OXSM: variants seen among roughly 807,000 people sequenced by gnomAD.
OXSM encodes the protein 3-oxoacyl-ACP synthase, mitochondrial.
A neutral mutation model predicts 29.2 loss-of-function variants in OXSM; 19 were observed. The observed-to-expected ratio is 0.65, with a 90% CI of 0.45 to 0.96. The LOEUF is 0.96. Ranked by LOEUF, OXSM falls within the 40% of genes least tolerant of loss-of-function variation. The pLI, the probability that OXSM is intolerant of heterozygous loss-of-function variation, is 0.00. For missense variants in OXSM, 554 were observed against 551.3 expected (o/e 1.00, Z -0.05); for synonymous variants, 178 against 197.1 (o/e 0.90, Z 0.81).
rs374473365 is a variant in OXSM, at chr3:25,794,401, A to G, written c.1287A>G (p.Ala429=). 6.2e-7 allele frequency: 1 copy of G among 1,614,042 alleles called. No individual in the cohort carries two copies. The highest frequency in any genetic ancestry group is 8.5e-7 in the Non-Finnish European group (1 of 1,179,978). ...ATCTCAACTATGTTCCACTAAAGGCACAGGAATGGAAAACTGAGAAAAGAT... is the reference window on the plus strand; with the variant it reads ...ATCTCAACTATGTTCCACTAAAGGCGCAGGAATGGAAAACTGAGAAAAGAT... ...EFDLNYVPLK[A]QEWKTEKRFI... is the part of the protein sequence containing the mutation. Residue 429 remains alanine, a synonymous_variant, in exon 3 of 3, where the codon GCA becomes GCG. Transcript: ENST00000280701.
chr3:25,793,752 C>T (rs1027325373), intron 2 of OXSM, among the ~76,000 whole-genome samples: 1 of 152,192 alleles, frequency 6.6e-6, no homozygotes, highest in African/African-American at 2.4e-5. Flanking sequence ...AAAAATTATT[C>T]TAGTCTTGAG....
intron 1 of OXSM, 75 bp from the exon 2 acceptor site, chr3:25,790,915 C>A: frequency 9.4e-7 from 1 of 1,065,540 alleles, no homozygotes; most frequent in Non-Finnish European, 1.4e-6. Context: ...CCCAAAGGAA[C>A]ACCTTGGATG....
intron 2 of OXSM, among the ~76,000 whole-genome samples, chr3:25,792,501 G>GTTTT (rs1304860825): frequency 1.3e-5 from 2 of 151,966 alleles, no homozygotes; most frequent in Non-Finnish European, 2.9e-5. Context: ...GTTTTGTTTT[G>GTTTT]TTTTTTTAGA....
At position 25,794,145 on chromosome 3, in the gene OXSM, A is replaced by G. The variant is rs748310666; in HGVS notation, c.1031A>G (p.Tyr344Cys). The change falls in exon 3 of 3, where the codon TAT becomes TGT. Residue 344 changes from tyrosine (Y) to cysteine (C), a missense_variant. Transcript: ENST00000280701. Reference protein sequence around the residue: ...DAGVQPEEISYINAHATSTPL... With the variant: ...DAGVQPEEISCINAHATSTPL... ...GGTGTGCAGCCTGAGGAGATATCCT[A>G]TATCAATGCACATGCTACTTCCACA... 1.2e-6 allele frequency: 2 copies of G among 1,614,168 alleles called. No individual in the cohort carries two copies. Among genetic ancestry groups the G allele is most frequent in the Admixed American group, 3.3e-5 (2 of 60,038 alleles).
chr3:25,792,700 G>T (rs978500272), intron 2 of OXSM, among the ~76,000 whole-genome samples: 3 of 152,026 alleles, frequency 2.0e-5, no homozygotes, highest in Non-Finnish European at 4.4e-5. Flanking sequence ...CAGGCTGAGA[G>T]ATTCTGTAGT....
chr3:25,791,538 A>G lies in OXSM; in HGVS notation c.518A>G (p.Asn173Ser), dbSNP rs1434516446. Reference protein sequence around the residue: ...TALNFQTKGYNKVSPFFVPKI... With the variant: ...TALNFQTKGYSKVSPFFVPKI... ...TTGAATTTTCAGACAAAAGGTTACA[A>G]TAAAGTTAGCCCATTTTTTGTCCCT... The change falls in exon 2 of 3, where the codon AAT (asparagine) becomes AGT (serine). Residue 173 changes from asparagine (N) to serine (S), a missense_variant. Physicochemically the swap from Asn to Ser is conservative, Grantham distance 46. Coordinates refer to ENST00000280701, the MANE Select transcript of OXSM (RefSeq NM_017897.3). 1.9e-6 allele frequency: 3 copies of G among 1,614,092 alleles called. No homozygotes were observed. The highest frequency in any genetic ancestry group is 3.3e-5 in the Admixed American group (2 of 60,004).
chr3:25,792,669 A>G (rs2125341468), intron 2 of OXSM, among the ~76,000 whole-genome samples: 1 of 151,930 alleles, frequency 6.6e-6, no homozygotes, highest in East Asian at 1.9e-4. Flanking sequence ...GTTTGTAGAG[A>G]TGGGGTTTCA....
At position 25,791,161 on chromosome 3, in the gene OXSM, A is replaced by G. The variant is rs987110150; in HGVS notation, c.141A>G (p.Thr47=). The G allele has an allele frequency of 8.1e-6, 13 of 1,614,210 alleles. No homozygotes were observed. The East Asian group carries it at 2.7e-4, about 33-fold the overall frequency. Residue 47 remains threonine (T), a synonymous_variant, in exon 2 of 3, where the codon ACA becomes ACG. Transcript: ENST00000280701. The part of the protein sequence containing the change: ...ISRLHRRVVI[T]GIGLVTPLGV... ...GATTGCATAGGCGAGTTGTCATTAC[A>G]GGCATTGGCTTAGTGACTCCTCTTG... is the stretch of plus-strand genomic sequence containing the variant.
chr3:25,792,390 T>C (rs779971206), intron 2 of OXSM, among the ~76,000 whole-genome samples: 7 of 152,260 alleles, frequency 4.6e-5, no homozygotes, highest in Non-Finnish European at 1.0e-4. Flanking sequence ...AACAGGATTC[T>C]GTTCTTTTCA....
chr3:25,790,736 C>A, intron 1 of OXSM: 1 of 320,136 alleles, frequency 3.1e-6, no homozygotes, highest in Non-Finnish European at 5.7e-6. Flanking sequence ...CATTGAATTA[C>A]TGTTTTGGTG....
At position 25,791,793 on chromosome 3, in the gene OXSM, C is replaced by G. The variant is rs759607182; in HGVS notation, c.773C>G (p.Ser258Ter). The G allele has an allele frequency of 8.1e-6, 13 of 1,614,022 alleles. No individual in the cohort carries two copies. In the East Asian group the frequency reaches 2.2e-4, roughly 28 times the overall value. Residue 258 changes from serine to a stop codon, truncating the protein, a stop_gained, in exon 2 of 3, where the codon TCA (serine) becomes TGA (stop). Transcript: ENST00000280701. LOFTEE classifies it high-confidence loss of function. ...FSRARALSTN[S>*]DPKLACRPFH... is the part of the protein sequence containing the mutation. ...AGAGCCCGGGCTCTGAGCACAAACT[C>G]AGATCCCAAGTTGGCATGTCGACCA...
chr3:25,790,175 CCCTCCTTT>C (rs1708699529), intron 1 of OXSM, 28 bp downstream of exon 1: 1 of 485,464 alleles, frequency 2.1e-6, no homozygotes, highest in East Asian at 3.4e-5. Context: ...CCTCCTTCGC[CCCTCCTTT>C]CCTCCTTTAC....
At position 25,790,108 on chromosome 3, in the gene OXSM, C is replaced by A. The variant is rs142618134; in HGVS notation, c.-71C>A. ...CGCGTGCGCTCGAGAGCGTCATCGC[C>A]CCCGACTGTGGAGAAGTGTCCGGGG... On this transcript the variant is annotated 5_prime_UTR_variant, in exon 1 of 3. Coordinates refer to ENST00000280701, the MANE Select transcript of OXSM (RefSeq NM_017897.3). 480 of 585,704 alleles carry A rather than the reference C, an allele frequency of 8.2e-4. 5 individuals are homozygous for A. In the East Asian group the frequency reaches 0.013, roughly 16 times the overall value. The allele number at this position is 585,704 out of a possible 1,614,324, so 36.3% of individuals were successfully genotyped here.
At position 25,791,332 on chromosome 3, in the gene OXSM, A is replaced by C; in HGVS notation, c.312A>C (p.Gln104His). Residue 104 changes from glutamine (Q) to histidine (H), a missense_variant, in exon 2 of 3, where the codon CAA becomes CAC. By Grantham distance (24) the Gln-to-His change is conservative. Transcript: ENST00000280701. ...RGSDEGQFNE[Q>H]NFVSKSDIKS... ...GTGATGAAGGTCAGTTCAATGAACAAAACTTTGTGTCCAAATCAGATATCA... is the reference window on the plus strand; with the variant it reads ...GTGATGAAGGTCAGTTCAATGAACACAACTTTGTGTCCAAATCAGATATCA... 1 of 1,614,170 alleles carries C rather than the reference A, an allele frequency of 6.2e-7. No individual in the cohort carries two copies. Among genetic ancestry groups the C allele is most frequent in the South Asian group, 1.1e-5 (1 of 91,080 alleles).
intron 2 of OXSM, among the ~76,000 whole-genome samples, chr3:25,792,682 T>G (rs773658652): frequency 1.7e-4 from 26 of 152,110 alleles, no homozygotes; most frequent in Non-Finnish European, 3.4e-4. Flanking sequence ...GGGTTTCACT[T>G]TATTTCCCAG....
At chr3:25,792,130 A>G (rs1708772495) in intron 2 of OXSM, 133 bp downstream of exon 2, 2 of 708,700 alleles carry the variant, frequency 2.8e-6, no homozygotes, top group African/African-American at 1.8e-5. Context: ...AGACTAAACA[A>G]GATTGTTTAG....
At position 25,790,999 on chromosome 3, in the gene OXSM, T is replaced by A. The variant is rs770119301; in HGVS notation, c.-22T>A. 4 of 1,596,848 alleles carry A rather than the reference T, an allele frequency of 2.5e-6. No homozygotes were observed. In the South Asian group the frequency reaches 4.5e-5, roughly 18 times the overall value. ...TTGTGGTCTTTTACAGGAATGTGTT[T>A]CTGATCATCTGAATCTTAATCATGT... is the stretch of plus-strand genomic sequence containing the variant. On this transcript the variant is annotated 5_prime_UTR_variant, in exon 2 of 3. Transcript: ENST00000280701.
chr3:25,790,582 A>T (rs1198295717), intron 1 of OXSM: 1 of 164,568 alleles, frequency 6.1e-6, no homozygotes, highest in East Asian at 1.6e-4. Flanking sequence ...GATAAAGCCC[A>T]CTTACTTACT....
intron 2 of OXSM, 136 bp from the exon 3 acceptor site, chr3:25,793,956 C>A (rs1208517025): frequency 1.4e-6 from 1 of 703,272 alleles, no homozygotes; most frequent in African/African-American, 1.8e-5. Flanking sequence ...AGATAGTGTT[C>A]CGTTACTAGA....
Sources: gnomAD v4.1 joint callset for allele counts (sites outside exome capture counted in the v4.1 genomes callset) on GRCh38, gnomAD v4.1.1 for gene constraint, MANE v1.5 for transcripts, NCBI Gene and HGNC (gene_info 2026-07-23, HGNC 2026-07-21) for gene names.